Variants in GNA14 observed in about 807,000 individuals in gnomAD.
GNA14 encodes G protein subunit alpha 14.
In GNA14, 50 loss-of-function variants were observed where a neutral mutation model predicts 42.0. The ratio of observed to expected loss-of-function variants is 1.19; its 90% CI spans 0.95 to 1.51. GNA14 has a LOEUF of 1.51. GNA14 is among the 40% of genes most tolerant of loss of function. The probability of loss-of-function intolerance (pLI) is 0.00; values close to 1 mark genes in which losing one functional copy is unlikely to be tolerated. For synonymous variants in GNA14, 173 were observed against 163.1 expected, an observed-to-expected ratio of 1.06 and a Z score of -0.46; for missense variants, 473 against 446.2, an observed-to-expected ratio of 1.06 and a Z score of -0.54.
intron 4 of GNA14, among the ~76,000 whole-genome samples, chr9:77,430,034 A>G (rs1041647953): frequency 6.6e-5 from 10 of 152,250 alleles, no homozygotes; most frequent in Admixed American, 6.5e-4. Context: ...AGGAAGGAAA[A>G]TGAAAAATTC....
intron 1 of GNA14, among the ~76,000 whole-genome samples, chr9:77,570,484 C>A (rs1587833727): frequency 6.6e-6 from 1 of 152,140 alleles, no homozygotes; most frequent in African/African-American, 2.4e-5. Flanking sequence ...TGGAATCATG[C>A]AATATATGTG....
intron 2 of GNA14, among the ~76,000 whole-genome samples, 175 bp downstream of exon 2, chr9:77,528,894 C>T (rs763064546): frequency 3.9e-5 from 6 of 152,110 alleles, no homozygotes; most frequent in Non-Finnish European, 5.9e-5. Flanking sequence ...AGAAGTCCTG[C>T]AGAAAGAAGA....
chr9:77,622,793 C>T (rs1823949552), intron 1 of GNA14, among the ~76,000 whole-genome samples: 1 of 148,500 alleles, frequency 6.7e-6, no homozygotes, highest in Non-Finnish European at 1.5e-5. Flanking sequence ...GCTTGGGAGG[C>T]TGAGGCAGGA....
At chr9:77,629,479 C>T (rs2118000447) in intron 1 of GNA14, among the ~76,000 whole-genome samples, 1 of 152,262 alleles carries the variant, frequency 6.6e-6, no homozygotes, top group East Asian at 1.9e-4. Context: ...TGGAACCAAC[C>T]CAAATGCCCA....
At chr9:77,507,971 G>A (rs1837097928) in intron 2 of GNA14, among the ~76,000 whole-genome samples, 1 of 152,124 alleles carries the variant, frequency 6.6e-6, no homozygotes, top group Admixed American at 6.5e-5. Flanking sequence ...ACCCGCCTCG[G>A]CCTCCCAAAG....
intron 1 of GNA14, among the ~76,000 whole-genome samples, chr9:77,572,285 A>T (rs1465417464): frequency 6.6e-6 from 1 of 152,188 alleles, no homozygotes; most frequent in African/African-American, 2.4e-5. Context: ...ACACGTAGGG[A>T]AGAAGAATTA....
intron 1 of GNA14, among the ~76,000 whole-genome samples, chr9:77,539,029 G>A (rs536439941): frequency 3.3e-5 from 5 of 152,158 alleles, no homozygotes; most frequent in Non-Finnish European, 7.4e-5. Context: ...GCTCTGGCTA[G>A]GACTTCCAGT....
chr9:77,424,292 A>G (rs1835420140), intron 6 of GNA14, 123 bp from the exon 7 acceptor site: 2 of 575,102 alleles, frequency 3.5e-6, no homozygotes, highest in Non-Finnish European at 6.0e-6. Flanking sequence ...GCACGGTCTC[A>G]GCTCACTGCA....
At chr9:77,585,069 T>C (rs995875930) in intron 1 of GNA14, among the ~76,000 whole-genome samples, 7 of 152,132 alleles carry the variant, frequency 4.6e-5, no homozygotes, top group Non-Finnish European at 1.0e-4. Context: ...TGCCGAACCA[T>C]CTGGAAATGC....
At chr9:77,590,706 C>G (rs1009129830) in intron 1 of GNA14, among the ~76,000 whole-genome samples, 1 of 148,184 alleles carries the variant, frequency 6.7e-6, no homozygotes, top group African/African-American at 2.5e-5. Context: ...TTAGGTCACA[C>G]ATTAAAAAAA....
At chr9:77,478,221 C>T (rs937979971) in intron 2 of GNA14, among the ~76,000 whole-genome samples, 1 of 144,982 alleles carries the variant, frequency 6.9e-6, no homozygotes, top group African/African-American at 2.5e-5. Flanking sequence ...TGTTCCCCTT[C>T]CTGTGTCCAT....
At chr9:77,514,760 T>C (rs1462334486) in intron 2 of GNA14, among the ~76,000 whole-genome samples, 21 of 151,946 alleles carry the variant, frequency 1.4e-4, no homozygotes, top group Non-Finnish European at 1.2e-4. Flanking sequence ...ACTACAGGCG[T>C]CTGCCACCAC....
chr9:77,554,033 C>T (rs1822725864), intron 1 of GNA14, among the ~76,000 whole-genome samples: 1 of 152,066 alleles, frequency 6.6e-6, no homozygotes, highest in African/African-American at 2.4e-5. Context: ...CCTACTAGGC[C>T]AGGAGGGAGT....
chr9:77,623,754 C>T (rs146923307), intron 1 of GNA14, among the ~76,000 whole-genome samples: 5 of 152,290 alleles, frequency 3.3e-5, no homozygotes, highest in South Asian at 2.1e-4. Context: ...TACACTTTTC[C>T]GACGGTCTTC....
At chr9:77,533,621 G>C (rs1329021405) in intron 1 of GNA14, among the ~76,000 whole-genome samples, 1 of 152,154 alleles carries the variant, frequency 6.6e-6, no homozygotes, top group African/African-American at 2.4e-5. Context: ...CTTTCTCTGC[G>C]TGGATCCTCT....
intron 2 of GNA14, among the ~76,000 whole-genome samples, chr9:77,454,010 A>G (rs1285442454): frequency 6.6e-6 from 1 of 152,216 alleles, no homozygotes. Context: ...TTCATGATTC[A>G]GTATCTCTTC....
chr9:77,556,438 T>G (rs1338620757), intron 1 of GNA14, among the ~76,000 whole-genome samples: 1 of 152,156 alleles, frequency 6.6e-6, no homozygotes, highest in Non-Finnish European at 1.5e-5. Flanking sequence ...CCACTGAACC[T>G]GGAAAAGGCT....
chr9:77,516,316 T>G (rs991120641), intron 2 of GNA14, among the ~76,000 whole-genome samples: 1 of 152,218 alleles, frequency 6.6e-6, no homozygotes, highest in African/African-American at 2.4e-5. Context: ...CTAAGTTTCC[T>G]AGGTGAAAAT....
At chr9:77,490,664 C>T (rs1398485672) in intron 2 of GNA14, among the ~76,000 whole-genome samples, 3 of 152,208 alleles carry the variant, frequency 2.0e-5, no homozygotes, top group East Asian at 3.9e-4. Flanking sequence ...CAGGGCCGGC[C>T]GGCCGCTCCG....
Sources: gnomAD v4.1 joint callset for allele counts (sites outside exome capture counted in the v4.1 genomes callset) on GRCh38, gnomAD v4.1.1 for gene constraint, MANE v1.5 for transcripts, NCBI Gene and HGNC (gene_info 2026-07-23, HGNC 2026-07-21) for gene names.